ZNF81: variants seen among roughly 807,000 people sequenced by gnomAD.
ZNF81 encodes zinc finger protein 81 (HFZ20).
In ZNF81, 5 loss-of-function variants were observed where a neutral mutation model predicts 32.3. That is an observed-to-expected ratio of 0.15 (90% CI 0.08 to 0.33). The LOEUF is 0.33. Ranked by LOEUF, ZNF81 falls within the 10% of genes least tolerant of loss-of-function variation. The pLI, the probability that ZNF81 is intolerant of heterozygous loss-of-function variation, is 1.00. For synonymous variants in ZNF81, 163 were observed against 166.8 expected (o/e 0.98, Z 0.17); for missense variants, 379 against 479.8 (o/e 0.79, Z 1.96).
In ZNF81 at chrX:47,918,549, G is replaced by A. The variant is rs782026195; in HGVS notation, c.*1917G>A. On this transcript the variant is annotated 3_prime_UTR_variant, in exon 5 of 5. Transcript: ENST00000338637. Reference sequence around the variant, plus strand: ...GGAAACTCACAAAGTTTTTAATAGAGTTTTACTAGTAAAACTACCTCCAGG... The same window carrying A: ...GGAAACTCACAAAGTTTTTAATAGAATTTTACTAGTAAAACTACCTCCAGG... 4.5e-5 allele frequency: 5 copies of A among 111,418 alleles called. No individual in the cohort carries two copies. Among genetic ancestry groups the A allele is most frequent in the Non-Finnish European group, 7.5e-5 (4 of 53,074 alleles). 9.2% of individuals were successfully genotyped at this position (111,418 alleles called of 1,213,427 possible).
intron 2 of ZNF81, among the ~76,000 whole-genome samples, chrX:47,868,542 C>G (rs977620853): frequency 2.7e-5 from 3 of 111,297 alleles, no homozygotes; most frequent in Non-Finnish European, 5.7e-5. Flanking sequence ...TAGTTCAATT[C>G]TATACTGTTT....
intron 1 of ZNF81, among the ~76,000 whole-genome samples, chrX:47,840,505 T>G (rs1407873258): frequency 9.5e-6 from 1 of 105,005 alleles, no homozygotes; most frequent in Non-Finnish European, 2.0e-5. Context: ...TTCTTTTTCT[T>G]TTTTTTTTTT....
rs369604732 is a variant in ZNF81, at chrX:47,891,736, C to G, written c.181+3611C>G. Among the ~76,000 whole-genome samples, 77 of 112,306 alleles carry G rather than the reference C, an allele frequency of 6.9e-4. 3 individuals are homozygous for G. In the East Asian group the frequency reaches 0.013, roughly 20 times the overall value. On this transcript the variant is annotated intron_variant, in intron 3 of 4. Transcript: ENST00000338637. The stretch of plus-strand genomic sequence containing the variant: ...GTAAGCTCCTACGCTGACTGGTGGA[C>G]CATAGTGGTGTTTGGGTCTCCTGGA...
intron 2 of ZNF81, among the ~76,000 whole-genome samples, chrX:47,882,193 T>A (rs2058623781): frequency 9.0e-6 from 1 of 111,246 alleles, no homozygotes; most frequent in Non-Finnish European, 1.9e-5. Flanking sequence ...TACATATATA[T>A]ACACACCCAT....
chrX:47,852,877 A>C (rs1556881411), intron 2 of ZNF81, among the ~76,000 whole-genome samples: 1 of 112,874 alleles, frequency 8.9e-6, no homozygotes, highest in African/African-American at 3.2e-5. Flanking sequence ...TCATCCAAGG[A>C]ATCACCATCT....
intron 3 of ZNF81, 186 bp downstream of exon 3, chrX:47,888,311 T>C (rs2058650287): frequency 1.7e-6 from 1 of 582,101 alleles, no homozygotes; most frequent in African/African-American, 2.3e-5. Flanking sequence ...CTAATATAAT[T>C]GGTGTCCTTA....
At chrX:47,911,997 G>A (rs1433989067) in intron 4 of ZNF81, among the ~76,000 whole-genome samples, 1 of 110,143 alleles carries the variant, frequency 9.1e-6, no homozygotes, top group Non-Finnish European at 1.9e-5. Flanking sequence ...GTAAGCTCAC[G>A]TGAGCAGCTC....
chrX:47,915,004 A>G lies in ZNF81; in HGVS notation c.358A>G (p.Thr120Ala). The G allele has an allele frequency of 1.7e-6, 2 of 1,207,170 alleles. No individual in the cohort carries two copies. The highest frequency in any genetic ancestry group is 3.0e-5 in the East Asian group (1 of 33,752). ...TCATAGTGAAATGGAGGGTGAAGAC[A>G]CAAGAGATGATTCATTATACTCTAT... ...TFHSEMEGED[T>A]RDDSLYSILE... is the part of the protein sequence containing the mutation. The change falls in exon 5 of 5, where the codon ACA (threonine) becomes GCA (alanine). Residue 120 changes from threonine to alanine, a missense_variant. Around this residue, in one of 2 missense-constraint regions of ZNF81, gnomAD observed 277 missense variants for 306.6 expected, o/e 0.90. Coordinates refer to ENST00000338637, the MANE Select transcript of ZNF81 (RefSeq NM_007137.5).
intron 2 of ZNF81, chrX:47,861,074 T>G (rs2058538593): frequency 8.9e-6 from 1 of 112,174 alleles, no homozygotes; most frequent in Non-Finnish European, 1.9e-5. Context: ...TATGAGCTAT[T>G]CTAGCAATTA....
At chrX:47,894,255 A>G (rs2058672369) in intron 3 of ZNF81, among the ~76,000 whole-genome samples, 2 of 111,526 alleles carry the variant, frequency 1.8e-5, no homozygotes, top group African/African-American at 6.5e-5. Flanking sequence ...TGCTGAAGGC[A>G]GGTGAGGGTG....
chrX:47,854,954 G>T (rs1179953590), intron 2 of ZNF81, among the ~76,000 whole-genome samples: 2 of 110,106 alleles, frequency 1.8e-5, no homozygotes, highest in Non-Finnish European at 3.8e-5. Flanking sequence ...TATTAGCCGG[G>T]TGTGGTGGCA....
intron 2 of ZNF81, among the ~76,000 whole-genome samples, chrX:47,863,276 A>C (rs1426520429): frequency 8.9e-6 from 1 of 111,848 alleles, no homozygotes; most frequent in Non-Finnish European, 1.9e-5. Context: ...AAATGAGGCT[A>C]CTGGGGATAC....
chrX:47,900,383 C>A (rs781974891), intron 4 of ZNF81, among the ~76,000 whole-genome samples: 1 of 111,538 alleles, frequency 9.0e-6, no homozygotes, highest in Non-Finnish European at 1.9e-5. Flanking sequence ...TGTGCTGGAA[C>A]AAATGGATGT....
intron 4 of ZNF81, among the ~76,000 whole-genome samples, chrX:47,899,344 C>T (rs1320346457): frequency 1.8e-5 from 2 of 109,234 alleles, no homozygotes; most frequent in Admixed American, 2.0e-4. Flanking sequence ...GCTTTTTCTG[C>T]ATCTATTGGA....
At chrX:47,914,873 C>A in intron 4 of ZNF81, 51 bp from the exon 5 acceptor site, 1 of 1,125,408 alleles carries the variant, frequency 8.9e-7, no homozygotes, top group Non-Finnish European at 1.2e-6. Context: ...ACCTTTTAAT[C>A]TCTTGCGGTC....
At chrX:47,881,768 ATTTAT>A (rs201754711) in intron 2 of ZNF81, among the ~76,000 whole-genome samples, 5,858 of 110,407 alleles carry the variant, frequency 0.053, 184 homozygotes, top group African/African-American at 0.11. Flanking sequence ...ATTTCAATAT[ATTTAT>A]TTTATTTTAT....
At chrX:47,838,671 T>C (rs148978038) in intron 1 of ZNF81, among the ~76,000 whole-genome samples, 126 of 112,203 alleles carry the variant, frequency 1.1e-3, no homozygotes, top group African/African-American at 4.0e-3. Context: ...TTGTGATGTA[T>C]AATTCTTTGG....
intron 4 of ZNF81, among the ~76,000 whole-genome samples, chrX:47,909,747 A>G (rs2058732870): frequency 1.0e-5 from 1 of 96,079 alleles, no homozygotes; most frequent in Non-Finnish European, 2.1e-5. Flanking sequence ...TCCTAATGCC[A>G]TCCCTCCCCC....
Position 47,921,133 on chromosome X carries a change from A to G in ZNF81, c.*4501A>G, listed in dbSNP as rs2058775448. On this transcript the variant is annotated 3_prime_UTR_variant, in exon 5 of 5. Coordinates refer to ENST00000338637, the MANE Select transcript of ZNF81 (RefSeq NM_007137.5). ...AGTCTCCATGGTCTCCTACTATCAGAATATGTGCCCTTTTCAGTGTGACTT... is the reference window on the plus strand; with the variant it reads ...AGTCTCCATGGTCTCCTACTATCAGGATATGTGCCCTTTTCAGTGTGACTT... The G allele has an allele frequency of 9.0e-6, 1 of 111,130 alleles. No individual in the cohort carries two copies. Among genetic ancestry groups the G allele is most frequent in the African/African-American group, 3.3e-5 (1 of 30,558 alleles). The allele number at this position is 111,130 out of a possible 1,213,427, so 9.2% of individuals were successfully genotyped here.
Sources: gnomAD v4.1 joint callset for allele counts (sites outside exome capture counted in the v4.1 genomes callset) on GRCh38, gnomAD v4.1.1 for gene constraint, gnomAD v4.1.1 regional missense constraint, MANE v1.5 for transcripts, NCBI Gene and HGNC (gene_info 2026-07-23, HGNC 2026-07-21) for gene names.